The following GPC6 variants were observed in gnomAD, a reference collection of about 807,000 sequenced individuals.
GPC6 encodes the protein glypican-6.
A neutral mutation model predicts 55.2 loss-of-function variants in GPC6; 14 were observed. That is an observed-to-expected ratio of 0.25 (90% CI 0.17 to 0.40). The LOEUF (loss-of-function observed/expected upper bound fraction) is 0.40, where lower values mean the gene tolerates loss of function less well. Among genes scored for constraint, GPC6 ranks in the 10% least tolerant of loss-of-function variants. The pLI is 1.00. For missense variants in GPC6, 641 were observed against 708.5 expected, an observed-to-expected ratio of 0.90 and a Z score of 1.08; for synonymous variants, 278 against 259.6, an observed-to-expected ratio of 1.07 and a Z score of -0.68.
intron 4 of GPC6, among the ~76,000 whole-genome samples, chr13:94,209,214 A>T (rs1889998214): frequency 6.6e-6 from 1 of 152,198 alleles, no homozygotes; most frequent in Admixed American, 6.5e-5. Flanking sequence ...AAGAAGGAAG[A>T]AAAGGCAATA....
At chr13:93,534,429 G>C (rs1404891875) in intron 1 of GPC6, among the ~76,000 whole-genome samples, 1 of 152,072 alleles carries the variant, frequency 6.6e-6, no homozygotes, top group African/African-American at 2.4e-5. Context: ...GATGTGCATC[G>C]CAAGGTCCCT....
intron 1 of GPC6, among the ~76,000 whole-genome samples, chr13:93,454,197 A>G (rs1878343583): frequency 6.7e-6 from 1 of 149,144 alleles, no homozygotes; most frequent in South Asian, 2.2e-4. Context: ...TGAGCTAGAT[A>G]CAGAGTGCCA....
At chr13:93,327,117 C>T (rs930595487) in intron 1 of GPC6, among the ~76,000 whole-genome samples, 2 of 152,036 alleles carry the variant, frequency 1.3e-5, no homozygotes, top group Non-Finnish European at 2.9e-5. Flanking sequence ...GGATTTTTTT[C>T]CGGTAGTTTT....
At chr13:93,897,161 C>T (rs148881202) in intron 3 of GPC6, among the ~76,000 whole-genome samples, 9 of 151,450 alleles carry the variant, frequency 5.9e-5, no homozygotes, top group African/African-American at 1.5e-4. Context: ...TACCAGAGGC[C>T]GTGAAATGTG....
chr13:94,140,515 G>A (rs1048096477), intron 4 of GPC6, among the ~76,000 whole-genome samples: 4 of 152,190 alleles, frequency 2.6e-5, no homozygotes, highest in Non-Finnish European at 5.9e-5. Context: ...GCATTCACAA[G>A]CAATGGCTCA....
intron 1 of GPC6, among the ~76,000 whole-genome samples, chr13:93,265,533 C>T (rs1877292631): frequency 6.6e-6 from 1 of 152,138 alleles, no homozygotes; most frequent in Non-Finnish European, 1.5e-5. Flanking sequence ...GTATGTGAAA[C>T]ATAAATGAAT....
chr13:94,304,412 G>A (rs556846077), intron 5 of GPC6, among the ~76,000 whole-genome samples: 3 of 152,298 alleles, frequency 2.0e-5, no homozygotes, highest in Admixed American at 6.5e-5. Flanking sequence ...CATCATATGC[G>A]TGATGAAAAA....
intron 6 of GPC6, among the ~76,000 whole-genome samples, chr13:94,347,784 A>C (rs1286522496): frequency 1.3e-5 from 2 of 152,346 alleles, no homozygotes; most frequent in East Asian, 1.9e-4. Context: ...CTACACAAAA[A>C]ACTGCAGTGG....
chr13:94,127,421 T>C (rs1407905226), intron 4 of GPC6, among the ~76,000 whole-genome samples: 1 of 152,114 alleles, frequency 6.6e-6, no homozygotes, highest in African/African-American at 2.4e-5. Context: ...TTTCGCCATG[T>C]GATGTGCCAG....
At chr13:93,484,222 C>A (rs17189068) in intron 1 of GPC6, among the ~76,000 whole-genome samples, 28,719 of 152,020 alleles carry the variant, frequency 0.19, 2,902 homozygotes, top group Middle Eastern at 0.26. Context: ...ACATTATCAT[C>A]CTTGTTTTAA....
At position 94,221,315 on chromosome 13, in the gene GPC6, G is replaced by A. The variant is rs542604866; in HGVS notation, c.878-65034G>A. ...CCAGAAGTAAACCAATCATTTTAACGTAAGTGATATGTCAGTCTTCTAATG... is the reference window on the plus strand; with the variant it reads ...CCAGAAGTAAACCAATCATTTTAACATAAGTGATATGTCAGTCTTCTAATG... On this transcript the variant is annotated intron_variant, in intron 4 of 8. Transcript: ENST00000377047. Among the ~76,000 whole-genome samples the A allele has an allele frequency of 2.0e-4, 30 of 152,160 alleles. 1 individual carries two copies. In the South Asian group the frequency reaches 5.2e-3, roughly 26 times the overall value.
intron 2 of GPC6, among the ~76,000 whole-genome samples, chr13:93,571,458 A>C (rs1458142853): frequency 6.6e-6 from 1 of 152,080 alleles, no homozygotes; most frequent in East Asian, 1.9e-4. Flanking sequence ...CATTATCAGG[A>C]ATTTGTTTTA....
chr13:94,163,246 G>A (rs566734989), intron 4 of GPC6, among the ~76,000 whole-genome samples: 66 of 152,004 alleles, frequency 4.3e-4, no homozygotes, highest in African/African-American at 1.4e-3. Context: ...AGTATCTGGC[G>A]AACTCCTATT....
chr13:94,088,088 G>C (rs1029763322), intron 4 of GPC6, among the ~76,000 whole-genome samples: 1 of 152,090 alleles, frequency 6.6e-6, no homozygotes, highest in African/African-American at 2.4e-5. Context: ...TGCTGTACTA[G>C]GACAGGATCA....
At position 93,545,453 on chromosome 13, in the gene GPC6, A is replaced by G. The variant is rs534700727; in HGVS notation, c.319+32A>G. On this transcript the variant is annotated intron_variant, in intron 2 of 8. Coordinates refer to ENST00000377047, the MANE Select transcript of GPC6 (RefSeq NM_005708.5). ...GAAATGGTTTTCACTTCAGTTTGTT[A>G]TAGGTGCACTTTTCTATGAGAATCT... is the stretch of plus-strand genomic sequence containing the variant. The G allele has an allele frequency of 2.3e-5, 37 of 1,575,736 alleles. No homozygotes were observed. The South Asian group carries it at 4.0e-4, about 17-fold the overall frequency.
At chr13:93,523,117 A>G (rs12857703) in intron 1 of GPC6, among the ~76,000 whole-genome samples, 1 of 151,124 alleles carries the variant, frequency 6.6e-6, no homozygotes, top group Non-Finnish European at 1.5e-5. Context: ...ACACGTGTGT[A>G]TATATGTACC....
chr13:93,706,949 A>T (rs1882873329), intron 2 of GPC6, among the ~76,000 whole-genome samples: 1 of 151,794 alleles, frequency 6.6e-6, no homozygotes, highest in East Asian at 2.0e-4. Flanking sequence ...CACTCATTGT[A>T]TGTGGGCCTT....
intron 1 of GPC6, among the ~76,000 whole-genome samples, chr13:93,523,295 A>G (rs1881506939): frequency 6.7e-6 from 1 of 148,554 alleles, no homozygotes; most frequent in Admixed American, 6.7e-5. Flanking sequence ...GTGTGTAAAT[A>G]ACATATAAGG....
chr13:93,393,572 T>C (rs1186889234), intron 1 of GPC6, among the ~76,000 whole-genome samples: 1 of 152,122 alleles, frequency 6.6e-6, no homozygotes, highest in Non-Finnish European at 1.5e-5. Flanking sequence ...AATCCCAAGC[T>C]TGAAAATATA....
Sources: allele counts gnomAD v4.1 joint callset (sites outside exome capture counted in the v4.1 genomes callset), GRCh38; gene constraint gnomAD v4.1.1; transcripts MANE v1.5; gene names NCBI Gene and HGNC (gene_info 2026-07-23, HGNC 2026-07-21).